FRMD4A: variants seen among roughly 807,000 people sequenced by gnomAD.
FRMD4A encodes the protein FERM domain-containing protein 4A.
In FRMD4A, 29 loss-of-function variants were observed where a neutral mutation model predicts 129.1. That is an observed-to-expected ratio of 0.22 (90% confidence interval 0.17 to 0.31). The LOEUF (loss-of-function observed/expected upper bound fraction) is 0.31. Ranked by LOEUF, FRMD4A falls within the 10% of genes least tolerant of loss-of-function variation. The pLI is 1.00. For synonymous variants in FRMD4A, 634 were observed against 571.6 expected, an observed-to-expected ratio of 1.11 and a Z score of -1.56; for missense variants, 1,272 against 1,375.8, an observed-to-expected ratio of 0.92 and a Z score of 1.19.
rs1327275352 is a variant in FRMD4A at position 13,654,772 on chromosome 10, G to C, written c.2954-260C>G. 9.8e-6 allele frequency: 5 copies of C among 512,190 alleles called. No homozygotes were observed. The East Asian group carries it at 1.6e-4, about 17-fold the overall frequency. 31.7% of individuals were successfully genotyped at this position (512,190 alleles called of 1,614,324 possible). ...ACCATGCACCTTCATTCTGAGTCAA[G>C]CTGACCTGGGATCCTAGGTCCCCGC... On this transcript the variant is annotated intron_variant, in intron 22 of 24. Coordinates refer to ENST00000357447, the MANE Select transcript of FRMD4A (RefSeq NM_018027.5).
At chr10:14,198,699 A>G (rs11258937) in intron 2 of FRMD4A, among the ~76,000 whole-genome samples, 2,820 of 152,290 alleles carry the variant, frequency 0.019, 101 homozygotes, top group East Asian at 0.16. Context: ...CATCACATGT[A>G]CTGATTACCT....
At chr10:13,801,112 T>C (rs1327371011) in intron 4 of FRMD4A, among the ~76,000 whole-genome samples, 1 of 152,084 alleles carries the variant, frequency 6.6e-6, no homozygotes, top group African/African-American at 2.4e-5. Flanking sequence ...CCAGGTGTGG[T>C]GGCACGTGCC....
intron 2 of FRMD4A, among the ~76,000 whole-genome samples, chr10:13,955,542 C>A (rs182574353): frequency 6.6e-6 from 1 of 152,328 alleles, no homozygotes; most frequent in Admixed American, 6.5e-5. Flanking sequence ...CTGGGCATTT[C>A]TTTTCTGCAG....
At chr10:13,891,884 C>T in intron 2 of FRMD4A, 1 of 307,114 alleles carries the variant, frequency 3.3e-6, no homozygotes, top group Non-Finnish European at 4.7e-6. Context: ...GCCCCTCGCC[C>T]GCGCCCGGCC....
chr10:13,873,848 G>GA (rs1258322107), intron 2 of FRMD4A, among the ~76,000 whole-genome samples: 1 of 151,904 alleles, frequency 6.6e-6, no homozygotes, highest in Non-Finnish European at 1.5e-5. Context: ...ACCTAGTCAT[G>GA]ACACTGATAT....
chr10:13,741,238 C>T (rs2090988922), intron 9 of FRMD4A, among the ~76,000 whole-genome samples: 1 of 151,744 alleles, frequency 6.6e-6, no homozygotes, highest in Admixed American at 6.6e-5. Flanking sequence ...TTGCTTGAGC[C>T]CAGGAGTTTG....
At chr10:13,887,142 GA>G (rs1163415589) in intron 2 of FRMD4A, among the ~76,000 whole-genome samples, 1 of 152,154 alleles carries the variant, frequency 6.6e-6, no homozygotes, top group African/African-American at 2.4e-5. Context: ...GAACTTCTCT[GA>G]ATTAGAATTA....
chr10:13,776,908 A>AC (rs2092609039), intron 6 of FRMD4A, among the ~76,000 whole-genome samples: 2 of 152,220 alleles, frequency 1.3e-5, no homozygotes, highest in Non-Finnish European at 2.9e-5. Context: ...CACAGCCAAG[A>AC]GAAAAAAACT....
chr10:13,704,725 C>G (rs2087235047), intron 13 of FRMD4A, among the ~76,000 whole-genome samples: 1 of 152,208 alleles, frequency 6.6e-6, no homozygotes, highest in African/African-American at 2.4e-5. Context: ...ATACTAGCTA[C>G]TTGTCGTCTA....
intron 2 of FRMD4A, among the ~76,000 whole-genome samples, chr10:14,244,365 G>A (rs992963873): frequency 1.3e-5 from 2 of 152,288 alleles, no homozygotes; most frequent in East Asian, 1.9e-4. Flanking sequence ...TAACTAATGA[G>A]CTGTAAGCAG....
At chr10:14,258,753 T>C (rs1202118079) in intron 2 of FRMD4A, among the ~76,000 whole-genome samples, 1 of 152,090 alleles carries the variant, frequency 6.6e-6, no homozygotes, top group Non-Finnish European at 1.5e-5. Context: ...TAGCCAAAAA[T>C]CAGAAAACAA....
chr10:14,044,931 T>G (rs1435810778), intron 2 of FRMD4A, among the ~76,000 whole-genome samples: 1 of 152,194 alleles, frequency 6.6e-6, no homozygotes, highest in Non-Finnish European at 1.5e-5. Context: ...TTTTTCTTTT[T>G]CTTGAGATAG....
intron 2 of FRMD4A, among the ~76,000 whole-genome samples, chr10:14,280,625 CCTT>C (rs1390865238): frequency 1.2e-4 from 18 of 152,196 alleles, no homozygotes; most frequent in African/African-American, 4.3e-4. Context: ...TGGATTTTGT[CCTT>C]CTGTCTTGCC....
intron 8 of FRMD4A, among the ~76,000 whole-genome samples, chr10:13,749,488 A>T (rs959484780): frequency 6.6e-6 from 1 of 152,154 alleles, no homozygotes; most frequent in African/African-American, 2.4e-5. Context: ...TATGCTGCTA[A>T]CTGGAGGATG....
At chr10:14,153,018 G>A (rs955392037) in intron 2 of FRMD4A, among the ~76,000 whole-genome samples, 4 of 152,152 alleles carry the variant, frequency 2.6e-5, no homozygotes, top group Admixed American at 6.5e-5. Flanking sequence ...CCCAGGCCTC[G>A]GCAGAGACTC....
intron 2 of FRMD4A, among the ~76,000 whole-genome samples, chr10:14,034,577 A>G (rs1833408875): frequency 6.7e-6 from 1 of 149,752 alleles, no homozygotes; most frequent in Non-Finnish European, 1.5e-5. Flanking sequence ...AAAATGAAAT[A>G]TTTTCATGAG....
At chr10:13,701,837 G>T (rs918432411) in intron 13 of FRMD4A, among the ~76,000 whole-genome samples, 4 of 152,174 alleles carry the variant, frequency 2.6e-5, no homozygotes, top group African/African-American at 9.7e-5. Context: ...CTTCAATGAT[G>T]CTCCCTATGA....
At chr10:14,033,561 G>T (rs998650779) in intron 2 of FRMD4A, among the ~76,000 whole-genome samples, 1 of 152,084 alleles carries the variant, frequency 6.6e-6, no homozygotes, top group African/African-American at 2.4e-5. Flanking sequence ...GAGGCGAGTG[G>T]ATCACTTGAG....
chr10:14,291,071 T>C (rs906108413), intron 2 of FRMD4A, among the ~76,000 whole-genome samples: 6 of 152,144 alleles, frequency 3.9e-5, no homozygotes, highest in Admixed American at 2.0e-4. Flanking sequence ...CTGAGAGTGA[T>C]ACTATGAAGA....
Sources: gnomAD v4.1 joint callset for allele counts (sites outside exome capture counted in the v4.1 genomes callset) on GRCh38, gnomAD v4.1.1 for gene constraint, MANE v1.5 for transcripts, NCBI Gene and HGNC (gene_info 2026-07-23, HGNC 2026-07-21) for gene names.